Variants in LRRC74A observed in about 807,000 individuals in gnomAD.
The protein encoded by LRRC74A is leucine rich repeat containing 74A.
A neutral mutation model predicts 57.9 loss-of-function variants in LRRC74A; 44 were observed. That is an observed-to-expected ratio of 0.76 (90% CI 0.60 to 0.98). The LOEUF is 0.98. Ranked by LOEUF, LRRC74A falls within the 50% of genes least tolerant of loss-of-function variation. The pLI is 0.00. For missense variants in LRRC74A, 572 were observed against 574.0 expected (o/e 1.00, Z 0.04); for synonymous variants, 211 against 219.4 (o/e 0.96, Z 0.34).
rs751142638 is a variant in LRRC74A, at chr14:76,844,898, C to A, written c.673C>A (p.Leu225Met). The A allele has an allele frequency of 1.3e-6, 2 of 1,537,836 alleles. No individual in the cohort carries two copies. The highest frequency in any genetic ancestry group is 1.4e-5 in the African/African-American group (1 of 73,246). ...DVGGEHLGQM[L>M]AINVGLTSLD... The stretch of plus-strand genomic sequence containing the variant: ...AGGAGGGGAGCACCTGGGCCAGATG[C>A]TGGGTGAGTCTCCCTGGAGGAAGGG... The change falls in exon 7 of 14, where the codon CTG (leucine) becomes ATG (methionine). Residue 225 changes from leucine (L) to methionine (M), a missense_variant. By Grantham distance (15) the Leu-to-Met change is conservative. Coordinates refer to ENST00000689127, the MANE Select transcript of LRRC74A (RefSeq NM_001385106.1).
At chr14:76,828,465 A>C in intron 2 of LRRC74A, 46 bp downstream of exon 2, 1 of 1,612,566 alleles carries the variant, frequency 6.2e-7, no homozygotes, top group African/African-American at 1.3e-5. Context: ...TCTCCTCAGA[A>C]ACTGGAGAAA....
rs906755442 is a variant in LRRC74A at position 76,866,212 on chromosome 14, C to T, written c.1308+137C>T. On this transcript the variant is annotated intron_variant, in intron 12 of 13. Coordinates refer to ENST00000689127, the MANE Select transcript of LRRC74A (RefSeq NM_001385106.1). ...GAGCTTCCTGGGACAGGCTATGGGA[C>T]ACTCCCCTCATTTATCTAGACCCAG... is the stretch of plus-strand genomic sequence containing the variant. 3 of 675,452 alleles carry T rather than the reference C, an allele frequency of 4.4e-6. No individual in the cohort carries two copies. In the Admixed American group the frequency reaches 6.7e-5, roughly 15 times the overall value. The allele number at this position is 675,452 out of a possible 1,614,324, so 41.8% of individuals were successfully genotyped here.
At chr14:76,868,027 A>G (rs1482833446) in intron 13 of LRRC74A, among the ~76,000 whole-genome samples, 1 of 152,202 alleles carries the variant, frequency 6.6e-6, no homozygotes, top group Middle Eastern at 3.2e-3. Context: ...GCCAGTAAGC[A>G]ACCCATAATA....
At position 76,867,445 on chromosome 14, in the gene LRRC74A, C is replaced by T; in HGVS notation, c.1391+7C>T. 6.5e-7 allele frequency: 1 copy of T among 1,541,096 alleles called. No homozygotes were observed. Among genetic ancestry groups the T allele is most frequent in the Non-Finnish European group, 9.0e-7 (1 of 1,115,132 alleles). On this transcript the variant is annotated splice_region_variant and intron_variant, in intron 13 of 13. Coordinates refer to ENST00000689127, the MANE Select transcript of LRRC74A (RefSeq NM_001385106.1). ...CAGGCATGGTGAACTTCAGGTCAGC[C>T]CAGGCCCCGCGACGATCCCCGTTCT...
Position 76,831,328 on chromosome 14 carries a change from C to T in LRRC74A, c.292C>T (p.His98Tyr), listed in dbSNP as rs150567745. The change falls in exon 3 of 14, where the codon CAC (histidine) becomes TAC (tyrosine). Residue 98 changes from histidine to tyrosine, a missense_variant. His to Tyr is a moderately conservative substitution (Grantham distance 83). Coordinates refer to ENST00000689127, the MANE Select transcript of LRRC74A (RefSeq NM_001385106.1). ...GGAGTCCTACGTGAACCTCAACCAC[C>T]ACGGCCTGGGCCCCAGGGGTACCAA... ...MEESYVNLNH[H>Y]GLGPRGTKAI... 1.5e-4 allele frequency: 235 copies of T among 1,613,928 alleles called. 2 individuals carry two copies. The African/African-American group carries it at 2.4e-3, about 17-fold the overall frequency.
chr14:76,860,860 C>G, intron 11 of LRRC74A, 21 bp downstream of exon 11: 1 of 1,562,030 alleles, frequency 6.4e-7, no homozygotes, highest in Non-Finnish European at 8.7e-7. Flanking sequence ...GCCTTCCTCT[C>G]AGGGCCTCCA....
At position 76,853,430 on chromosome 14, in the gene LRRC74A, GGTGTGTGTGTGTGTGTGTGTGT is replaced by G. The variant is rs140347611; in HGVS notation, c.957+31_957+52del. ...CTGAAGGTAGTCTTCAGCTGGAAAGGGTGTGTGTGTGTGTGTGTGTGTGTGTGTGTGTTTGTGTATGTGTTGG... is the reference window on the plus strand; with the variant it reads ...CTGAAGGTAGTCTTCAGCTGGAAAGGGTGTGTGTGTTTGTGTATGTGTTGG... On this transcript the variant is annotated intron_variant, in intron 9 of 13. Coordinates refer to ENST00000689127, the MANE Select transcript of LRRC74A (RefSeq NM_001385106.1). The G allele has an allele frequency of 3.4e-6, 4 of 1,180,204 alleles. No individual in the cohort carries two copies. The highest frequency in any genetic ancestry group is 3.5e-5 in the African/African-American group (2 of 56,434). The allele number at this position is 1,180,204 out of a possible 1,614,324, so 73.1% of individuals were successfully genotyped here. A position where few individuals can be genotyped will look rare whatever the true frequency, so the allele number is the denominator to read the frequency against.
chr14:76,828,625 G>A, intron 2 of LRRC74A: 2 of 722,302 alleles, frequency 2.8e-6, no homozygotes, highest in Non-Finnish European at 4.9e-6. Context: ...TCCCACGCTT[G>A]TCACCTGCCT....
At chr14:76,842,809 A>C (rs1896865516) in intron 5 of LRRC74A, among the ~76,000 whole-genome samples, 1 of 152,198 alleles carries the variant, frequency 6.6e-6, no homozygotes, top group South Asian at 2.1e-4. Context: ...AGAAATCACC[A>C]GTGTCTTACA....
intron 7 of LRRC74A, among the ~76,000 whole-genome samples, chr14:76,852,100 C>T (rs1897539075): frequency 6.6e-6 from 1 of 152,208 alleles, no homozygotes; most frequent in South Asian, 2.1e-4. Context: ...TATCTGTGAT[C>T]AGATAATATC....
chr14:76,849,336 T>C (rs1285576181), intron 7 of LRRC74A, among the ~76,000 whole-genome samples: 2 of 151,816 alleles, frequency 1.3e-5, no homozygotes, highest in African/African-American at 4.8e-5. Context: ...TTTGTATTTT[T>C]GGTAGAGATG....
intron 2 of LRRC74A, among the ~76,000 whole-genome samples, chr14:76,830,660 G>C (rs1895906832): frequency 6.6e-6 from 1 of 152,208 alleles, no homozygotes; most frequent in Non-Finnish European, 1.5e-5. Flanking sequence ...ATATTCACTG[G>C]TTTGCCATTT....
intron 13 of LRRC74A, among the ~76,000 whole-genome samples, chr14:76,869,490 C>T (rs1282845317): frequency 6.6e-6 from 1 of 151,766 alleles, no homozygotes; most frequent in Non-Finnish European, 1.5e-5. Context: ...GCGGTGCTCA[C>T]GCCTGTAATC....
At chr14:76,828,825 G>C in intron 2 of LRRC74A, 1 of 410,794 alleles carries the variant, frequency 2.4e-6, no homozygotes, top group East Asian at 7.2e-5. Flanking sequence ...CATTGCCCAG[G>C]GACAGCGGGA....
chr14:76,852,447 C>A lies in LRRC74A; in HGVS notation c.759C>A (p.Leu253=). 1 of 1,600,040 alleles carries A rather than the reference C, an allele frequency of 6.2e-7. No homozygotes were observed. Residue 253 remains leucine (L), a synonymous_variant, in exon 8 of 14, where the codon CTC becomes CTA. Coordinates refer to ENST00000689127, the MANE Select transcript of LRRC74A (RefSeq NM_001385106.1). ...TRGAVALCNG[L]RGNVTLTKLD... is the part of the protein sequence containing the mutation. ...GAGCTGTGGCCTTGTGCAATGGTCT[C>A]CGGGTAAGGCACTCTCCAGGAGTGA... is the stretch of plus-strand genomic sequence containing the variant.
At chr14:76,839,345 C>A (rs1896590667) in intron 5 of LRRC74A, among the ~76,000 whole-genome samples, 1 of 152,170 alleles carries the variant, frequency 6.6e-6, no homozygotes, top group South Asian at 2.1e-4. Flanking sequence ...AGGGAAATAA[C>A]AAGCAATTTG....
intron 8 of LRRC74A, among the ~76,000 whole-genome samples, chr14:76,852,892 C>T (rs1390659627): frequency 1.3e-5 from 2 of 152,206 alleles, no homozygotes; most frequent in African/African-American, 4.8e-5. Flanking sequence ...GCTGGGATTA[C>T]AGGCGTGAGC....
intron 5 of LRRC74A, among the ~76,000 whole-genome samples, chr14:76,839,308 T>A (rs1896586556): frequency 6.6e-6 from 1 of 152,242 alleles, no homozygotes; most frequent in African/African-American, 2.4e-5. Context: ...ATTCTACCAA[T>A]GGACTGTTGC....
chr14:76,831,068 C>T, intron 2 of LRRC74A, 135 bp from the exon 3 acceptor site: 2 of 833,176 alleles, frequency 2.4e-6, no homozygotes, highest in Non-Finnish European at 3.7e-6. Context: ...CAGGAGCAGG[C>T]TTCTTAGCAC....
Sources: allele counts gnomAD v4.1 joint callset (sites outside exome capture counted in the v4.1 genomes callset), GRCh38; gene constraint gnomAD v4.1.1; transcripts MANE v1.5; gene names NCBI Gene and HGNC (gene_info 2026-07-23, HGNC 2026-07-21).